The following LECT2 variants were observed in gnomAD, a reference collection of about 807,000 sequenced individuals.
The protein encoded by LECT2 is leukocyte cell-derived chemotaxin-2.
In LECT2, 11 loss-of-function variants were observed where a neutral mutation model predicts 16.6. That is an observed-to-expected ratio of 0.66 (90% CI 0.42 to 1.09). LECT2 has a LOEUF of 1.09. Ranked by LOEUF, LECT2 falls within the 50% of genes least tolerant of loss-of-function variation. The probability of loss-of-function intolerance (pLI) is 0.00; values close to 1 mark genes in which losing one functional copy is unlikely to be tolerated. For synonymous variants in LECT2, 54 were observed against 64.8 expected, an observed-to-expected ratio of 0.83 and a Z score of 0.80; for missense variants, 173 against 184.2, an observed-to-expected ratio of 0.94 and a Z score of 0.35.
intron 2 of LECT2, among the ~76,000 whole-genome samples, chr5:135,952,042 G>C (rs1423556684): frequency 6.6e-6 from 1 of 152,156 alleles, no homozygotes; most frequent in Non-Finnish European, 1.5e-5. Context: ...CAGGATTGCT[G>C]CAATTATGTA....
At position 135,947,429 on chromosome 5, in the gene LECT2, GT is replaced by G. The variant is rs1763720098; in HGVS notation, c.357del (p.Lys119AsnfsTer79). 1 of 1,613,892 alleles carries G rather than the reference GT, an allele frequency of 6.2e-7. No homozygotes were observed. Among genetic ancestry groups the G allele is most frequent in the African/African-American group, 1.3e-5 (1 of 74,900 alleles). On this transcript the variant is annotated frameshift_variant, in exon 4 of 4. Coordinates refer to ENST00000274507, the MANE Select transcript of LECT2 (RefSeq NM_002302.3). LOFTEE classifies it high-confidence loss of function. ...TTCTGCAAGGGCAATAGAGTTCCAA[GT>G]TTTTCTCCCTTCTTAATAGGACCTT... Reference protein sequence around the residue: ...KYKGPIKKGEKLGTLLPLQKV... With the variant: ...KYKGPIKKGEXLGTLLPLQKV...
intron 1 of LECT2, among the ~76,000 whole-genome samples, chr5:135,953,322 C>T (rs994537060): frequency 6.6e-6 from 1 of 152,036 alleles, no homozygotes; most frequent in Non-Finnish European, 1.5e-5. Flanking sequence ...CTTCCCCAGC[C>T]GCCTGAGTAG....
rs748619640 is a variant in LECT2, at chr5:135,952,867, A to T, written c.143+4T>A. On this transcript the variant is annotated splice_donor_region_variant and intron_variant, in intron 2 of 3. Transcript: ENST00000274507. ...GTTGGGTGGGTGGTTGTGCAACTTC[A>T]TACCTTTGAGCAGAGTACTGTCCAC... The T allele has an allele frequency of 1.2e-6, 2 of 1,608,684 alleles. No individual in the cohort carries two copies. The highest frequency in any genetic ancestry group is 1.7e-6 in the Non-Finnish European group (2 of 1,175,170).
chr5:135,952,284 A>G (rs1358744345), intron 2 of LECT2, among the ~76,000 whole-genome samples: 1 of 152,200 alleles, frequency 6.6e-6, no homozygotes, highest in African/African-American at 2.4e-5. Flanking sequence ...ACACATGGCT[A>G]TTTCATTAGA....
intron 2 of LECT2, among the ~76,000 whole-genome samples, 185 bp downstream of exon 2, chr5:135,952,686 T>G (rs1207310052): frequency 6.6e-6 from 1 of 152,206 alleles, no homozygotes; most frequent in Non-Finnish European, 1.5e-5. Flanking sequence ...TGATCCCAAT[T>G]TATAGCTCAT....
At position 135,947,232 on chromosome 5, in the gene LECT2, A is replaced by G. The variant is rs1034615849; in HGVS notation, c.*99T>C. 8.8e-7 allele frequency: 1 copy of G among 1,138,968 alleles called. No homozygotes were observed. The highest frequency in any genetic ancestry group is 1.5e-5 in the African/African-American group (1 of 64,740). The allele number at this position is 1,138,968 out of a possible 1,614,324, so 70.6% of individuals were successfully genotyped here. The stretch of plus-strand genomic sequence containing the variant: ...AAATGGGGTATCCATCCCTTCATGC[A>G]TTTTTCCTTTGTGAACACAAATTTC... On this transcript the variant is annotated 3_prime_UTR_variant, in exon 4 of 4. Transcript: ENST00000274507.
rs188040207 is a variant in LECT2, at chr5:135,954,920, C to T, written c.-87G>A. 1.9e-5 allele frequency: 19 copies of T among 977,952 alleles called. No homozygotes were observed. The African/African-American group carries it at 3.1e-4, about 16-fold the overall frequency. The allele number at this position is 977,952 out of a possible 1,614,324, so 60.6% of individuals were successfully genotyped here. A position where few individuals can be genotyped will look rare whatever the true frequency, so the allele number is the denominator to read the frequency against. ...AATATTCAAGTTTGAATGAATACTT[C>T]CTAGCTATTTAGCCTTAGAATTCTG... On this transcript the variant is annotated 5_prime_UTR_variant, in exon 1 of 4. Coordinates refer to ENST00000274507, the MANE Select transcript of LECT2 (RefSeq NM_002302.3).
At position 135,952,863 on chromosome 5, in the gene LECT2, C is replaced by G; in HGVS notation, c.143+8G>C. The G allele has an allele frequency of 2.5e-6, 4 of 1,605,994 alleles. No individual in the cohort carries two copies. The highest frequency in any genetic ancestry group is 3.4e-6 in the Non-Finnish European group (4 of 1,172,654). ...AAGGGTTGGGTGGGTGGTTGTGCAA[C>G]TTCATACCTTTGAGCAGAGTACTGT... On this transcript the variant is annotated splice_region_variant and intron_variant, in intron 2 of 3. Transcript: ENST00000274507.
intron 3 of LECT2, 71 bp downstream of exon 3, chr5:135,951,152 G>A (rs1444205977): frequency 1.4e-6 from 2 of 1,409,246 alleles, no homozygotes; most frequent in Non-Finnish European, 2.0e-6. Context: ...TCTACGTATG[G>A]AACCTGCATT....
At chr5:135,947,794 T>C (rs1397975642) in intron 3 of LECT2, among the ~76,000 whole-genome samples, 1 of 152,136 alleles carries the variant, frequency 6.6e-6, no homozygotes, top group Non-Finnish European at 1.5e-5. Flanking sequence ...TCTGATAGAA[T>C]GATTGGACTT....
intron 1 of LECT2, 30 bp downstream of exon 1, chr5:135,954,758 C>A: frequency 6.5e-7 from 1 of 1,546,092 alleles, no homozygotes; most frequent in South Asian, 1.1e-5. Context: ...AAAAGTTAAT[C>A]AATATTCTAA....
Position 135,947,020 on chromosome 5 carries a change from A to C in LECT2, c.*311T>G. The C allele has an allele frequency of 5.6e-6, 1 of 178,786 alleles. No homozygotes were observed. Among genetic ancestry groups the C allele is most frequent in the Non-Finnish European group, 1.2e-5 (1 of 85,238 alleles). The allele number at this position is 178,786 out of a possible 1,614,324, so 11.1% of individuals were successfully genotyped here. On this transcript the variant is annotated 3_prime_UTR_variant, in exon 4 of 4. Transcript: ENST00000274507. ...AAAGAGCCCGAAGCAACCAGTTCAC[A>C]TGAACATCAGAGTGACAATGAGTTA...
At chr5:135,950,675 T>G (rs1281169151) in intron 3 of LECT2, 1 of 153,188 alleles carries the variant, frequency 6.5e-6, no homozygotes, top group Non-Finnish European at 1.5e-5. Context: ...TTCAAAAATA[T>G]TTCACATTCA....
intron 3 of LECT2, among the ~76,000 whole-genome samples, chr5:135,949,095 A>T (rs532347059): frequency 2.3e-4 from 35 of 152,210 alleles, no homozygotes; most frequent in Non-Finnish European, 8.8e-5. Context: ...GATGTGCAAG[A>T]CCTCTACACT....
Position 135,953,010 on chromosome 5 carries a change from A to G in LECT2, c.47-43T>C, listed in dbSNP as rs764572486. ...GAGAGCAGAGCTCCTGGCCTCAGAC[A>G]TTTCCTATCCCCATTTGCCTTATCA... is the stretch of plus-strand genomic sequence containing the variant. On this transcript the variant is annotated intron_variant, in intron 1 of 3. Transcript: ENST00000274507. The G allele has an allele frequency of 4.5e-6, 6 of 1,332,966 alleles. No homozygotes were observed. In the South Asian group the frequency reaches 7.0e-5, roughly 16 times the overall value. The allele number at this position is 1,332,966 out of a possible 1,614,324, so 82.6% of individuals were successfully genotyped here.
At chr5:135,954,106 C>T (rs1312835081) in intron 1 of LECT2, among the ~76,000 whole-genome samples, 1 of 152,202 alleles carries the variant, frequency 6.6e-6, no homozygotes, top group Non-Finnish European at 1.5e-5. Flanking sequence ...CAAGCAAAAG[C>T]GAGAGCCTGG....
At chr5:135,949,895 G>A (rs1475720955) in intron 3 of LECT2, among the ~76,000 whole-genome samples, 3 of 152,210 alleles carry the variant, frequency 2.0e-5, no homozygotes, top group Non-Finnish European at 4.4e-5. Context: ...ACTAGCCAGT[G>A]TCACAAATCT....
Position 135,947,250 on chromosome 5 carries a change from C to A in LECT2, c.*81G>T. ...TTCATGCATTTTTCCTTTGTGAACA[C>A]AAATTTCTTGAAGAGAAGGGTATGC... On this transcript the variant is annotated 3_prime_UTR_variant, in exon 4 of 4. Coordinates refer to ENST00000274507, the MANE Select transcript of LECT2 (RefSeq NM_002302.3). The A allele has an allele frequency of 7.3e-7, 1 of 1,369,396 alleles. No homozygotes were observed. The allele number at this position is 1,369,396 out of a possible 1,614,324, so 84.8% of individuals were successfully genotyped here.
chr5:135,948,164 G>A (rs554636462), intron 3 of LECT2, among the ~76,000 whole-genome samples: 133 of 152,308 alleles, frequency 8.7e-4, no homozygotes, highest in African/African-American at 3.1e-3. Context: ...CCAGAAGAGT[G>A]GAAATCAGGC....
Sources: allele counts gnomAD v4.1 joint callset (sites outside exome capture counted in the v4.1 genomes callset), GRCh38; gene constraint gnomAD v4.1.1; transcripts MANE v1.5; gene names NCBI Gene and HGNC (gene_info 2026-07-23, HGNC 2026-07-21).